The following NRXN1 variants were observed in gnomAD, a reference collection of about 807,000 sequenced individuals.
NRXN1 encodes neurexin-1.
Under a neutral mutation model 150.9 loss-of-function variants are expected in NRXN1, and 39 were observed. That is an observed-to-expected ratio of 0.26 (90% CI 0.20 to 0.34). NRXN1 has a LOEUF of 0.34. NRXN1 is among the 10% of genes least tolerant of loss of function. The pLI, the probability that NRXN1 is intolerant of heterozygous loss-of-function variation, is 1.00. For synonymous variants in NRXN1, 924 were observed against 757.0 expected (o/e 1.22, Z -3.62); for missense variants, 1,815 against 1,949.9 (o/e 0.93, Z 1.30).
In NRXN1 at chr2:49,998,965, A is replaced by G. The variant is rs574213009; in HGVS notation, c.4128+54306T>C. Among the ~76,000 whole-genome samples, 4 of 152,248 alleles carry G rather than the reference A, an allele frequency of 2.6e-5. No individual in the cohort carries two copies. In the East Asian group the frequency reaches 5.8e-4, roughly 22 times the overall value. The stretch of plus-strand genomic sequence containing the variant: ...AAGCAAGACATTCCCAGTGTGCCAA[A>G]GCTCAGGCAAATTACCTTGTACTAG... On this transcript the variant is annotated intron_variant, in intron 21 of 22. Transcript: ENST00000401669.
chr2:50,188,663 A>G (rs2061245037), intron 18 of NRXN1, among the ~76,000 whole-genome samples: 1 of 152,178 alleles, frequency 6.6e-6, no homozygotes, highest in South Asian at 2.1e-4. Flanking sequence ...CAAGGAACTT[A>G]AACAAATTTA....
At chr2:50,496,576 T>C (rs2091637405) in intron 14 of NRXN1, among the ~76,000 whole-genome samples, 1 of 152,214 alleles carries the variant, frequency 6.6e-6, no homozygotes, top group Non-Finnish European at 1.5e-5. Context: ...AAGAGTCTCC[T>C]GAGCCTTTGA....
At chr2:50,625,031 A>G (rs1680755235) in intron 5 of NRXN1, 1 of 152,050 alleles carries the variant, frequency 6.6e-6, no homozygotes, top group Admixed American at 6.6e-5. Context: ...TAAACATATA[A>G]TTATAAACGG....
chr2:50,804,076 C>G (rs1225216742), intron 5 of NRXN1, among the ~76,000 whole-genome samples: 1 of 152,160 alleles, frequency 6.6e-6, no homozygotes, highest in Admixed American at 6.5e-5. Context: ...TGCTGTGATT[C>G]TTTTACTGAC....
At chr2:50,335,568 A>G (rs2077128223) in intron 17 of NRXN1, among the ~76,000 whole-genome samples, 1 of 152,214 alleles carries the variant, frequency 6.6e-6, no homozygotes, top group South Asian at 2.1e-4. Context: ...TAAATTCTAA[A>G]GGAATGTTCT....
chr2:50,648,554 G>T (rs925587385), intron 5 of NRXN1, among the ~76,000 whole-genome samples: 2 of 151,932 alleles, frequency 1.3e-5, no homozygotes, highest in African/African-American at 4.8e-5. Flanking sequence ...AAGTGGTCAG[G>T]ACCTCAAAAG....
intron 2 of NRXN1, among the ~76,000 whole-genome samples, chr2:50,957,300 C>T (rs1355572833): frequency 6.6e-6 from 1 of 152,128 alleles, no homozygotes; most frequent in African/African-American, 2.4e-5. Context: ...TCTCTCTCAG[C>T]TTCATTTTCA....
intron 5 of NRXN1, among the ~76,000 whole-genome samples, chr2:50,723,222 A>C (rs1372871202): frequency 6.6e-6 from 1 of 152,198 alleles, no homozygotes; most frequent in Non-Finnish European, 1.5e-5. Context: ...AGCATAAAGA[A>C]AACAGTAACT....
intron 15 of NRXN1, among the ~76,000 whole-genome samples, chr2:50,476,926 T>C (rs146542302): frequency 0.013 from 1,924 of 152,308 alleles, 28 homozygotes; most frequent in Middle Eastern, 0.054. Flanking sequence ...AGGGCCAGGT[T>C]GTCAGTTCCA....
chr2:49,928,210 T>A (rs1669460507), intron 22 of NRXN1, among the ~76,000 whole-genome samples: 1 of 151,708 alleles, frequency 6.6e-6, no homozygotes, highest in Non-Finnish European at 1.5e-5. Context: ...CCAGCACGCA[T>A]CATTCTGCTA....
intron 18 of NRXN1, among the ~76,000 whole-genome samples, chr2:50,227,842 T>A (rs1336804995): frequency 6.6e-6 from 1 of 151,994 alleles, no homozygotes; most frequent in African/African-American, 2.4e-5. Flanking sequence ...TGTTGAGCAT[T>A]TGAGATATGG....
At chr2:50,077,530 C>T (rs181662765) in intron 19 of NRXN1, among the ~76,000 whole-genome samples, 3 of 152,240 alleles carry the variant, frequency 2.0e-5, no homozygotes, top group South Asian at 2.1e-4. Flanking sequence ...GCACTCTCGT[C>T]CAAGTCCTCT....
At chr2:50,742,312 A>T (rs185579673) in intron 5 of NRXN1, among the ~76,000 whole-genome samples, 18 of 151,926 alleles carry the variant, frequency 1.2e-4, no homozygotes, top group African/African-American at 4.3e-4. Context: ...ATTGCCACTT[A>T]TACATAGAGT....
intron 18 of NRXN1, among the ~76,000 whole-genome samples, chr2:50,156,567 A>T (rs2152779467): frequency 6.6e-6 from 1 of 152,102 alleles, no homozygotes; most frequent in Non-Finnish European, 1.5e-5. Flanking sequence ...ATGTAAGTTT[A>T]TTAAAAAGTT....
chr2:50,879,836 G>A lies in NRXN1; in HGVS notation c.832+42033C>T, dbSNP rs139663807. 4.9e-3 allele frequency among the ~76,000 whole-genome samples: 740 copies of A among 152,004 alleles called. 6 individuals carry two copies. Among genetic ancestry groups the A allele is most frequent in the African/African-American group, 0.017 (701 of 41,498 alleles). On this transcript the variant is annotated intron_variant, in intron 5 of 22. Transcript: ENST00000401669. Reference sequence around the variant, plus strand: ...AATCTTGTCATGTTGTGTTATGGTCGTAATGCTACAGAAAGTAGCATTAAA... The same window carrying A: ...AATCTTGTCATGTTGTGTTATGGTCATAATGCTACAGAAAGTAGCATTAAA...
intron 8 of NRXN1, among the ~76,000 whole-genome samples, chr2:50,565,385 A>G (rs1056137428): frequency 6.6e-6 from 1 of 152,034 alleles, no homozygotes; most frequent in African/African-American, 2.4e-5. Context: ...ATTCACTTCA[A>G]TAAAAAAAAA....
At chr2:50,093,719 AT>A (rs1699874423) in intron 18 of NRXN1, among the ~76,000 whole-genome samples, 1 of 152,162 alleles carries the variant, frequency 6.6e-6, no homozygotes, top group Admixed American at 6.5e-5. Context: ...GGCTCTATAC[AT>A]TTTATAAATA....
chr2:50,466,421 T>C (rs990657257), intron 16 of NRXN1: 10 of 465,892 alleles, frequency 2.1e-5, no homozygotes, highest in East Asian at 1.4e-4. Flanking sequence ...CTGTGTATTA[T>C]GGGGTTTCAG....
intron 17 of NRXN1, among the ~76,000 whole-genome samples, chr2:50,423,410 T>C (rs2084155952): frequency 6.6e-6 from 1 of 152,154 alleles, no homozygotes; most frequent in East Asian, 1.9e-4. Flanking sequence ...ATCTGCCAGG[T>C]TACCCTTCAA....
Sources: gnomAD v4.1 joint callset for allele counts (sites outside exome capture counted in the v4.1 genomes callset) on GRCh38, gnomAD v4.1.1 for gene constraint, MANE v1.5 for transcripts, NCBI Gene and HGNC (gene_info 2026-07-23, HGNC 2026-07-21) for gene names.